GREM1: variants seen among roughly 807,000 people sequenced by gnomAD.
The protein encoded by GREM1 is gremlin 1, DAN family BMP antagonist, also known as gremlin-1.
In GREM1, 6 loss-of-function variants were observed where a neutral mutation model predicts 13.1. That is an observed-to-expected ratio of 0.46 (90% CI 0.25 to 0.91). The LOEUF (loss-of-function observed/expected upper bound fraction) is 0.91, where lower values mean the gene tolerates loss of function less well. Among genes scored for constraint, GREM1 ranks in the 40% least tolerant of loss-of-function variants. The probability of loss-of-function intolerance (pLI) is 0.18; values close to 1 mark genes in which losing one functional copy is unlikely to be tolerated. For missense variants in GREM1, 185 were observed against 233.9 expected (o/e 0.79, Z 1.36); for synonymous variants, 98 against 93.7 (o/e 1.05, Z -0.27).
intron 1 of GREM1, among the ~76,000 whole-genome samples, chr15:32,725,388 G>A (rs558057483): frequency 1.3e-5 from 2 of 152,286 alleles, no homozygotes; most frequent in South Asian, 4.1e-4. Context: ...AATGACCACC[G>A]ATGATGAGCT....
At chr15:32,723,183 ATCT>A (rs1285729734) in intron 1 of GREM1, among the ~76,000 whole-genome samples, 1 of 152,206 alleles carries the variant, frequency 6.6e-6, no homozygotes, top group Non-Finnish European at 1.5e-5. Context: ...AGAAATGTAC[ATCT>A]TCTGCATTTC....
chr15:32,728,823 G>C (rs1223434752), intron 1 of GREM1, among the ~76,000 whole-genome samples: 1 of 152,140 alleles, frequency 6.6e-6, no homozygotes, highest in South Asian at 2.1e-4. Flanking sequence ...GGCCGCAGGA[G>C]GGAGACTGTG....
chr15:32,724,745 C>T (rs1187612705), intron 1 of GREM1, among the ~76,000 whole-genome samples: 1 of 152,024 alleles, frequency 6.6e-6, no homozygotes. Flanking sequence ...CCCATCAACC[C>T]ATCATCTACA....
chr15:32,739,792 C>T lies in GREM1; in HGVS notation c.*8547C>T, dbSNP rs184789551. On this transcript the variant is annotated 3_prime_UTR_variant, in exon 2 of 2. Coordinates refer to ENST00000651154, the MANE Select transcript of GREM1 (RefSeq NM_013372.7). ...CGAATCCCTAACCCCAGCACAGTGC[C>T]ATGTAGTCAGCAAGAGACTCCCTAG... 1 of 152,326 alleles carries T rather than the reference C, an allele frequency of 6.6e-6. No individual in the cohort carries two copies. The highest frequency in any genetic ancestry group is 2.1e-4 in the South Asian group (1 of 4,820). 9.4% of individuals were successfully genotyped at this position (152,326 alleles called of 1,614,324 possible). A position where few individuals can be genotyped will look rare whatever the true frequency, so the allele number is the denominator to read the frequency against.
At position 32,743,109 on chromosome 15, in the gene GREM1, A is replaced by C. The variant is rs2140772089; in HGVS notation, c.*11864A>C. ...AGAAGACACGGGGTGACATGAGACCACTTTGGCAAATCAGAATGCTCATTC... is the reference window on the plus strand; with the variant it reads ...AGAAGACACGGGGTGACATGAGACCCCTTTGGCAAATCAGAATGCTCATTC... On this transcript the variant is annotated 3_prime_UTR_variant, in exon 2 of 2. Transcript: ENST00000651154. The C allele has an allele frequency of 6.6e-6, 1 of 152,360 alleles. No homozygotes were observed. Among genetic ancestry groups the C allele is most frequent in the Admixed American group, 6.5e-5 (1 of 15,308 alleles). The allele number at this position is 152,360 out of a possible 1,614,324, so 9.4% of individuals were successfully genotyped here.
rs747960333 is a variant in GREM1 at position 32,732,581 on chromosome 15, C to A, written c.*1336C>A. On this transcript the variant is annotated 3_prime_UTR_variant, in exon 2 of 2. Transcript: ENST00000651154. ...CCTGGTAGAGATGTAAGGGATATGA[C>A]CTCCCTTTCTTTATGTGCTCACTGA... is the stretch of plus-strand genomic sequence containing the variant. 4.9e-5 allele frequency: 12 copies of A among 245,766 alleles called. No individual in the cohort carries two copies. The highest frequency in any genetic ancestry group is 7.7e-5 in the Non-Finnish European group (9 of 116,830). 15.2% of individuals were successfully genotyped at this position (245,766 alleles called of 1,614,324 possible).
At position 32,731,247 on chromosome 15, in the gene GREM1, C is replaced by T. The variant is rs753442229; in HGVS notation, c.*2C>T. The T allele has an allele frequency of 1.8e-5, 29 of 1,608,772 alleles. No homozygotes were observed. The Admixed American group carries it at 4.3e-4, about 24-fold the overall frequency. ...TGCATATCCATCGATTTGGATTAAG[C>T]CAAATCCAGGTGCACCCAGCATGTC... is the stretch of plus-strand genomic sequence containing the variant. On this transcript the variant is annotated 3_prime_UTR_variant, in exon 2 of 2. Transcript: ENST00000651154.
intron 1 of GREM1, among the ~76,000 whole-genome samples, chr15:32,726,726 T>G (rs1427356255): frequency 9.8e-6 from 1 of 101,600 alleles, no homozygotes; most frequent in African/African-American, 3.5e-5. Context: ...TTTTTTTTTT[T>G]GAAAAGATTA....
chr15:32,722,701 AG>A (rs1567108656), intron 1 of GREM1, among the ~76,000 whole-genome samples: 1 of 152,212 alleles, frequency 6.6e-6, no homozygotes, highest in African/African-American at 2.4e-5. Context: ...GGAAACTGGA[AG>A]GAAAGCATGC....
intron 1 of GREM1, among the ~76,000 whole-genome samples, chr15:32,729,014 T>C (rs746306048): frequency 2.8e-4 from 42 of 152,060 alleles, no homozygotes; most frequent in Non-Finnish European, 3.4e-4. Flanking sequence ...TTCTTTTTTT[T>C]TTTCTTTCTT....
Position 32,728,172 on chromosome 15 carries a change from A to T in GREM1, c.-1-2518A>T, listed in dbSNP as rs1043521451. On this transcript the variant is annotated intron_variant, in intron 1 of 1. Transcript: ENST00000651154. ...ATATGGAACTGAAAAAAGAGCCGGT[A>T]TAGCCAAGACGATCCTAAGCAAAAA... 2.6e-5 allele frequency among the ~76,000 whole-genome samples: 4 copies of T among 152,254 alleles called. No homozygotes were observed. The South Asian group carries it at 8.3e-4, about 32-fold the overall frequency.
chr15:32,730,908 T>G lies in GREM1; in HGVS notation c.218T>G (p.Val73Gly). 1 of 1,613,360 alleles carries G rather than the reference T, an allele frequency of 6.2e-7. No individual in the cohort carries two copies. The highest frequency in any genetic ancestry group is 8.5e-7 in the Non-Finnish European group (1 of 1,179,830). The change falls in exon 2 of 2, where the codon GTG (valine) becomes GGG (glycine). Residue 73 changes from valine to glycine, a missense_variant. By Grantham distance (109) the Val-to-Gly change is moderately radical. Transcript: ENST00000651154. ...GGCACTGCCATGCCCGGGGAGGAGGTGCTGGAGTCCAGCCAAGAGGCCCTG... is the reference window on the plus strand; with the variant it reads ...GGCACTGCCATGCCCGGGGAGGAGGGGCTGGAGTCCAGCCAAGAGGCCCTG... ...GRGTAMPGEEVLESSQEALHV... is the reference protein window; with the variant it reads ...GRGTAMPGEEGLESSQEALHV...
At chr15:32,729,712 A>G (rs1009821788) in intron 1 of GREM1, among the ~76,000 whole-genome samples, 1 of 152,180 alleles carries the variant, frequency 6.6e-6, no homozygotes, top group Non-Finnish European at 1.5e-5. Flanking sequence ...CAGCATGCCC[A>G]TGCCATTTAT....
chr15:32,731,982 A>G lies in GREM1; in HGVS notation c.*737A>G. On this transcript the variant is annotated 3_prime_UTR_variant, in exon 2 of 2. Transcript: ENST00000651154. ...AGAAGCTTGAAAGGCCAATACCAGA[A>G]CACAGGCTGATGCTTCTGAGAAAGT... The G allele has an allele frequency of 4.3e-6, 1 of 230,702 alleles. No individual in the cohort carries two copies. Among genetic ancestry groups the G allele is most frequent in the Middle Eastern group, 1.4e-3 (1 of 690 alleles). The allele number at this position is 230,702 out of a possible 1,614,324, so 14.3% of individuals were successfully genotyped here.
rs2140698738 is a variant in GREM1, at chr15:32,733,803, A to G, written c.*2558A>G. Reference sequence around the variant, plus strand: ...CTATTAAAATAATGCCAAACACCAAATATGAATTTTATGATGTACACTTTG... The same window carrying G: ...CTATTAAAATAATGCCAAACACCAAGTATGAATTTTATGATGTACACTTTG... On this transcript the variant is annotated 3_prime_UTR_variant, in exon 2 of 2. Transcript: ENST00000651154. 4.2e-6 allele frequency: 1 copy of G among 238,220 alleles called. No homozygotes were observed. The allele number at this position is 238,220 out of a possible 1,614,324, so 14.8% of individuals were successfully genotyped here.
Position 32,742,185 on chromosome 15 carries a change from T to G in GREM1, c.*10940T>G, listed in dbSNP as rs2055767801. On this transcript the variant is annotated 3_prime_UTR_variant, in exon 2 of 2. Transcript: ENST00000651154. ...CTTTAGTATAAAGGTAATTCTGGCT[T>G]CATAAAATAAGTTAGAAAGTGTTCT... is the stretch of plus-strand genomic sequence containing the variant. 1 of 152,206 alleles carries G rather than the reference T, an allele frequency of 6.6e-6. No individual in the cohort carries two copies. Among genetic ancestry groups the G allele is most frequent in the African/African-American group, 2.4e-5 (1 of 41,462 alleles). 9.4% of individuals were successfully genotyped at this position (152,206 alleles called of 1,614,324 possible).
At chr15:32,728,604 G>A (rs191392022) in intron 1 of GREM1, among the ~76,000 whole-genome samples, 28 of 152,264 alleles carry the variant, frequency 1.8e-4, no homozygotes, top group Admixed American at 1.6e-3. Context: ...CTGCCTTTGC[G>A]CAAGGTAGTT....
intron 1 of GREM1, among the ~76,000 whole-genome samples, chr15:32,725,795 T>C (rs2055491603): frequency 6.6e-6 from 1 of 152,238 alleles, no homozygotes; most frequent in Non-Finnish European, 1.5e-5. Context: ...CTTTAATCCA[T>C]CTTGAATTAA....
rs1292615947 is a variant in GREM1, at chr15:32,718,178, C to T, written c.-2+17C>T. The T allele has an allele frequency of 4.5e-6, 6 of 1,337,976 alleles. No homozygotes were observed. The Admixed American group carries it at 1.1e-4, about 25-fold the overall frequency. 82.9% of individuals were successfully genotyped at this position (1,337,976 alleles called of 1,614,324 possible). On this transcript the variant is annotated intron_variant, in intron 1 of 1. Coordinates refer to ENST00000651154, the MANE Select transcript of GREM1 (RefSeq NM_013372.7). ...CACTGACAGGTGAGCGCGGACGCAC[C>T]CGGCAGGGATGTGAGTGGGCGGAGG...
Sources: gnomAD v4.1 joint callset for allele counts (sites outside exome capture counted in the v4.1 genomes callset) on GRCh38, gnomAD v4.1.1 for gene constraint, MANE v1.5 for transcripts, NCBI Gene and HGNC (gene_info 2026-07-23, HGNC 2026-07-21) for gene names.